Variants in MEGF8 observed in about 807,000 individuals in gnomAD.
MEGF8 encodes multiple epidermal growth factor-like domains protein 8.
A neutral mutation model predicts 302.9 loss-of-function variants in MEGF8; 156 were observed. The ratio of observed to expected loss-of-function variants is 0.52; its 90% CI spans 0.45 to 0.59. The LOEUF is 0.59. MEGF8 is among the 20% of genes least tolerant of loss of function. The pLI is 0.00. For synonymous variants in MEGF8, 1,621 were observed against 1,660.5 expected, an observed-to-expected ratio of 0.98 and a Z score of 0.58; for missense variants, 3,345 against 3,964.5, an observed-to-expected ratio of 0.84 and a Z score of 4.20.
intron 41 of MEGF8, 37 bp downstream of exon 41, chr19:42,371,519 TACACC>T: frequency 6.2e-7 from 1 of 1,612,778 alleles, no homozygotes; most frequent in Non-Finnish European, 8.5e-7. Flanking sequence ...CCGAGGGCCC[TACACC>T]TTGTGGAGGT....
At chr19:42,326,853 C>G (rs980289678) in intron 1 of MEGF8, among the ~76,000 whole-genome samples, 1 of 151,414 alleles carries the variant, frequency 6.6e-6, no homozygotes, top group African/African-American at 2.4e-5. Flanking sequence ...CTCAAGTGAT[C>G]CTCCCACCTC....
rs2039778318 is a variant in MEGF8, at chr19:42,376,895, C to T, written c.*120C>T. 3 of 1,137,866 alleles carry T rather than the reference C, an allele frequency of 2.6e-6. No homozygotes were observed. In the Admixed American group the frequency reaches 1.1e-4, roughly 40 times the overall value. 70.5% of individuals were successfully genotyped at this position (1,137,866 alleles called of 1,614,324 possible). ...ACTTGGAGACCACTGGCCCCCTTCC[C>T]CCAGGGTTGCCCAGATGGGGCCTCC... On this transcript the variant is annotated 3_prime_UTR_variant, in exon 42 of 42. Transcript: ENST00000251268. The surrounding 1 kb of genome is among the most constrained non-coding windows in gnomAD (Gnocchi z 8.2).
rs1276711723 is a variant in MEGF8 at position 42,333,890 on chromosome 19, CA to C, written c.352-114del. ...AGGGACAAGGGAAGGTGGAGAGAGGCAAAGGAAGGAGATGAGGCTCTGGGTC... is the reference window on the plus strand; with the variant it reads ...AGGGACAAGGGAAGGTGGAGAGAGGCAAGGAAGGAGATGAGGCTCTGGGTC... On this transcript the variant is annotated intron_variant, in intron 2 of 41. Coordinates refer to ENST00000251268, the MANE Select transcript of MEGF8 (RefSeq NM_001271938.2). 2.0e-6 allele frequency: 3 copies of C among 1,518,274 alleles called. No homozygotes were observed. In the East Asian group the frequency reaches 7.0e-5, roughly 35 times the overall value. 94.1% of individuals were successfully genotyped at this position (1,518,274 alleles called of 1,614,324 possible).
rs1451082734 is a variant in MEGF8, at chr19:42,376,764, A to G, written c.8527A>G (p.Met2843Val). The G allele has an allele frequency of 3.4e-6, 5 of 1,452,730 alleles. No homozygotes were observed. Among genetic ancestry groups the G allele is most frequent in the East Asian group, 2.5e-5 (1 of 39,918 alleles). 90.0% of individuals were successfully genotyped at this position (1,452,730 alleles called of 1,614,324 possible). A position where few individuals can be genotyped will look rare whatever the true frequency, so the allele number is the denominator to read the frequency against. ...GTTGAGCCAGGACAACCTCACCAGC[A>G]TGTCCCTCTGACATGCCCAGGGTTC... is the stretch of plus-strand genomic sequence containing the variant. ...GLLSQDNLTS[M>V]SL is the part of the protein sequence containing the mutation. Residue 2843 changes from methionine (M) to valine (V), a missense_variant, in exon 42 of 42, where the codon ATG becomes GTG. Transcript: ENST00000251268. This position sits in a 1 kb window ranked among gnomAD's most constrained non-coding sequence, Gnocchi z 8.2.
intron 41 of MEGF8, among the ~76,000 whole-genome samples, chr19:42,372,074 A>ACAACAACAAAAAC (rs1555784681): frequency 1.3e-5 from 1 of 79,230 alleles, no homozygotes; most frequent in African/African-American, 3.7e-5. Flanking sequence ...AACAACAACA[A>ACAACAACAAAAAC]ACACACACAC....
At chr19:42,329,080 C>G (rs1044105883) in intron 1 of MEGF8, among the ~76,000 whole-genome samples, 2 of 152,112 alleles carry the variant, frequency 1.3e-5, no homozygotes, top group Non-Finnish European at 2.9e-5. Flanking sequence ...GAAAAGGGAG[C>G]AAACAGCCTC....
In MEGF8 at chr19:42,375,417, G is replaced by C; in HGVS notation, c.7270-90G>C. 7.7e-7 allele frequency: 1 copy of C among 1,301,476 alleles called. No individual in the cohort carries two copies. The highest frequency in any genetic ancestry group is 1.0e-6 in the Non-Finnish European group (1 of 966,620). The allele number at this position is 1,301,476 out of a possible 1,614,324, so 80.6% of individuals were successfully genotyped here. A position where few individuals can be genotyped will look rare whatever the true frequency, so the allele number is the denominator to read the frequency against. ...GGCCCAGGGCAATGGCTACTTAGCA[G>C]TGGGTATAGAGTATTCGTCACTGCT... On this transcript the variant is annotated intron_variant, in intron 41 of 41. Coordinates refer to ENST00000251268, the MANE Select transcript of MEGF8 (RefSeq NM_001271938.2). This position sits in a 1 kb window ranked among gnomAD's most constrained non-coding sequence, Gnocchi z 7.1.
chr19:42,330,091 T>C (rs2039036336), intron 1 of MEGF8, among the ~76,000 whole-genome samples: 1 of 152,058 alleles, frequency 6.6e-6, no homozygotes, highest in Non-Finnish European at 1.5e-5. Context: ...TACAGGCATG[T>C]GCCACCATGC....
chr19:42,360,797 A>G lies in MEGF8; in HGVS notation c.5511A>G (p.Pro1837=), dbSNP rs1429582431. Residue 1837 remains proline (P), a synonymous_variant, in exon 32 of 42, where the codon CCA becomes CCG. Transcript: ENST00000251268. ...DLTRSASVGP[P]MEESVAHAVA... is the part of the protein sequence containing the mutation. ...CAGGCTCGGCCTCTGTGGGGCCCCC[A>G]ATGGAGGAGTCTGTGGCCCATGCTG... 6.3e-7 allele frequency: 1 copy of G among 1,597,454 alleles called. No homozygotes were observed. The highest frequency in any genetic ancestry group is 1.1e-5 in the South Asian group (1 of 89,024).
Position 42,358,433 on chromosome 19 carries a change from A to G in MEGF8, c.5175+126A>G. 1.6e-6 allele frequency: 2 copies of G among 1,217,812 alleles called. No individual in the cohort carries two copies. Among genetic ancestry groups the G allele is most frequent in the Non-Finnish European group, 2.2e-6 (2 of 897,826 alleles). 75.4% of individuals were successfully genotyped at this position (1,217,812 alleles called of 1,614,324 possible). A position where few individuals can be genotyped will look rare whatever the true frequency, so the allele number is the denominator to read the frequency against. On this transcript the variant is annotated intron_variant, in intron 29 of 41. Transcript: ENST00000251268. This position sits in a 1 kb window ranked among gnomAD's most constrained non-coding sequence, Gnocchi z 4.4. ...CCCTCCTTTCTATGTTCCCTAACTA[A>G]GCGACACCCCCACATCTCCCCCGCT...
chr19:42,350,553 T>C (rs1487667198), intron 15 of MEGF8, among the ~76,000 whole-genome samples, 169 bp downstream of exon 15: 1 of 152,148 alleles, frequency 6.6e-6, no homozygotes, highest in Non-Finnish European at 1.5e-5. Flanking sequence ...GAGAGGCACC[T>C]GGGGAGTCAG....
rs2039785131 is a variant in MEGF8 at position 42,377,554 on chromosome 19, C to A, written c.*779C>A. On this transcript the variant is annotated 3_prime_UTR_variant, in exon 42 of 42. Transcript: ENST00000251268. The stretch of plus-strand genomic sequence containing the variant: ...CTATAATCCTAGCACTTTGAGAGGC[C>A]AAGGTGGGCTGATCACAAGGTCAAG... 6.6e-6 allele frequency: 1 copy of A among 152,420 alleles called. No homozygotes were observed. Among genetic ancestry groups the A allele is most frequent in the Non-Finnish European group, 1.5e-5 (1 of 68,058 alleles). The allele number at this position is 152,420 out of a possible 1,614,324, so 9.4% of individuals were successfully genotyped here. A position where few individuals can be genotyped will look rare whatever the true frequency, so the allele number is the denominator to read the frequency against.
rs1048607016 is a variant in MEGF8, at chr19:42,377,926, G to A, written c.*1151G>A. The A allele has an allele frequency of 6.6e-6, 1 of 152,370 alleles. No homozygotes were observed. The highest frequency in any genetic ancestry group is 1.5e-5 in the Non-Finnish European group (1 of 68,118). The allele number at this position is 152,370 out of a possible 1,614,324, so 9.4% of individuals were successfully genotyped here. The stretch of plus-strand genomic sequence containing the variant: ...TCTGGCTCAGATGTGGGATGTGTAT[G>A]GAAGAATATAAATGATGGTGTGGAT... On this transcript the variant is annotated 3_prime_UTR_variant, in exon 42 of 42. Coordinates refer to ENST00000251268, the MANE Select transcript of MEGF8 (RefSeq NM_001271938.2).
At chr19:42,331,591 CAG>C (rs1380622857) in intron 1 of MEGF8, among the ~76,000 whole-genome samples, 1 of 149,458 alleles carries the variant, frequency 6.7e-6, no homozygotes, top group Admixed American at 6.7e-5. Context: ...TTTTTTGAAA[CAG>C]AGTTTCACTC....
rs1176712661 is a variant in MEGF8, at chr19:42,363,062, A to G, written c.6073A>G (p.Ile2025Val). 8 of 1,612,890 alleles carry G rather than the reference A, an allele frequency of 5.0e-6. No homozygotes were observed. Among genetic ancestry groups the G allele is most frequent in the African/African-American group, 1.3e-5 (1 of 74,846 alleles). ...QFKRTGETRR[I>V]LSVQPTYDWT... ...CCCACCCCCAGGGGAGACCCGCCGC[A>G]TCCTCTCCGTGCAGCCCACCTATGA... Residue 2025 changes from isoleucine to valine, a missense_variant, in exon 35 of 42, where the codon ATC (isoleucine) becomes GTC (valine). Coordinates refer to ENST00000251268, the MANE Select transcript of MEGF8 (RefSeq NM_001271938.2).
chr19:42,335,142 C>A lies in MEGF8; in HGVS notation c.666C>A (p.Asp222Glu). 1 of 1,613,942 alleles carries A rather than the reference C, an allele frequency of 6.2e-7. No individual in the cohort carries two copies. ...AGWWHNVSAR[D>E]PAFSARIGAA... ...GGTGGCACAACGTGAGTGCCAGGGACCCTGCCTTCTCTGCCCGTATTGGGG... is the reference window on the plus strand; with the variant it reads ...GGTGGCACAACGTGAGTGCCAGGGAACCTGCCTTCTCTGCCCGTATTGGGG... Residue 222 changes from aspartate (D) to glutamate (E), a missense_variant, in exon 4 of 42, where the codon GAC becomes GAA. By Grantham distance (45) the Asp-to-Glu change is conservative (BLOSUM62 2). Transcript: ENST00000251268.
chr19:42,356,645 C>T lies in MEGF8; in HGVS notation c.4623-129C>T, dbSNP rs2039456865. Reference sequence around the variant, plus strand: ...GGTACTTATTTGGGTGGTGCTACTCCAGGGAATGGCAAGAGGACTGTCATA... The same window carrying T: ...GGTACTTATTTGGGTGGTGCTACTCTAGGGAATGGCAAGAGGACTGTCATA... On this transcript the variant is annotated intron_variant, in intron 26 of 41. Coordinates refer to ENST00000251268, the MANE Select transcript of MEGF8 (RefSeq NM_001271938.2). The surrounding 1 kb of genome is among the most constrained non-coding windows in gnomAD (Gnocchi z 5.2). 2 of 1,066,048 alleles carry T rather than the reference C, an allele frequency of 1.9e-6. No individual in the cohort carries two copies. The highest frequency in any genetic ancestry group is 1.6e-5 in the African/African-American group (1 of 62,542). 66.0% of individuals were successfully genotyped at this position (1,066,048 alleles called of 1,614,324 possible). A position where few individuals can be genotyped will look rare whatever the true frequency, so the allele number is the denominator to read the frequency against.
At position 42,337,179 on chromosome 19, in the gene MEGF8, G is replaced by A. The variant is rs779538653; in HGVS notation, c.1486G>A (p.Glu496Lys). The A allele has an allele frequency of 5.0e-6, 8 of 1,613,816 alleles. No homozygotes were observed. Among genetic ancestry groups the A allele is most frequent in the Non-Finnish European group, 6.8e-6 (8 of 1,179,892 alleles). The change falls in exon 8 of 42, where the codon GAG becomes AAG. Residue 496 changes from glutamate to lysine, a missense_variant. Transcript: ENST00000251268. ...LGCHQWVSGA[E>K]LAPPGTPEGR... ...CTGCCATCAATGGGTGTCAGGAGCT[G>A]AGCTTGCCCCGCCAGGAACCCCTGA...
Position 42,357,340 on chromosome 19 carries a change from T to C in MEGF8, c.4831-64T>C, listed in dbSNP as rs1302820615. ...AGGACTGTGGGGGGCTGAGGCTCGC[T>C]TCTACCCACAAGGTGACCCCTGACC... On this transcript the variant is annotated intron_variant, in intron 27 of 41. Coordinates refer to ENST00000251268, the MANE Select transcript of MEGF8 (RefSeq NM_001271938.2). The surrounding 1 kb of genome is among the most constrained non-coding windows in gnomAD (Gnocchi z 5.2). 6.4e-7 allele frequency: 1 copy of C among 1,559,766 alleles called. No homozygotes were observed. Among genetic ancestry groups the C allele is most frequent in the African/African-American group, 1.4e-5 (1 of 73,920 alleles).
Sources: allele counts gnomAD v4.1 joint callset (sites outside exome capture counted in the v4.1 genomes callset), GRCh38; gene constraint gnomAD v4.1.1; non-coding constraint Gnocchi (gnomAD v3.1); transcripts MANE v1.5; gene names NCBI Gene and HGNC (gene_info 2026-07-23, HGNC 2026-07-21).